PDK1: variants seen among roughly 807,000 people sequenced by gnomAD.
PDK1 encodes pyruvate dehydrogenase kinase 1.
PDK1 carries 39 observed loss-of-function variants against 54.2 expected under a neutral mutation model. That is an observed-to-expected ratio of 0.72 (90% CI 0.56 to 0.94). The LOEUF is 0.94. Among genes scored for constraint, PDK1 ranks in the 40% least tolerant of loss-of-function variants. The pLI is 0.00. For synonymous variants in PDK1, 221 were observed against 207.1 expected (o/e 1.07, Z -0.58); for missense variants, 552 against 566.0 (o/e 0.98, Z 0.25).
chr2:172,651,341 TTATAGCACTAAATGCCC>T, the PDK1 span, among the ~76,000 whole-genome samples: 1 of 152,264 alleles, frequency 6.6e-6, no homozygotes, highest in Non-Finnish European at 1.5e-5. Flanking sequence ...AGAGGAAAAT[TTATAGCACTAAATGCCC>T]ACAAGGGAAA....
the PDK1 span, among the ~76,000 whole-genome samples, chr2:172,636,346 A>G: frequency 1.3e-5 from 2 of 152,118 alleles, no homozygotes; most frequent in South Asian, 2.1e-4. Flanking sequence ...CCCACATTAC[A>G]TGGTGAGAGA....
chr2:172,633,189 T>C, the PDK1 span, among the ~76,000 whole-genome samples: 2 of 142,420 alleles, frequency 1.4e-5, no homozygotes, highest in Admixed American at 7.3e-5. Context: ...ACTATAGGCA[T>C]GCACCACCAT....
intron 3 of PDK1, chr2:172,564,265 T>C (rs1013979735): frequency 3.7e-6 from 2 of 541,610 alleles, no homozygotes; most frequent in African/African-American, 1.9e-5. Flanking sequence ...GCCTTACTCT[T>C]AGGAAGCCAA....
Position 172,598,031 on chromosome 2 carries a change from A to T in PDK1, c.*2062A>T, listed in dbSNP as rs780623988. 2.0e-5 allele frequency: 3 copies of T among 152,188 alleles called. No homozygotes were observed. Among genetic ancestry groups the T allele is most frequent in the Non-Finnish European group, 4.4e-5 (3 of 68,018 alleles). The allele number at this position is 152,188 out of a possible 1,614,324, so 9.4% of individuals were successfully genotyped here. ...CTAATCTGACCAAATGTTGGGAAAA[A>T]TGTCTCACCTAACCCACTATTCCTT... On this transcript the variant is annotated 3_prime_UTR_variant, in exon 11 of 11. Coordinates refer to ENST00000282077, the MANE Select transcript of PDK1 (RefSeq NM_002610.5).
chr2:172,695,099 CAG>C, the PDK1 span, among the ~76,000 whole-genome samples: 1 of 152,162 alleles, frequency 6.6e-6, no homozygotes. Context: ...GTCTGGGTGA[CAG>C]AGTGAGACCC....
At chr2:172,632,560 A>G in the PDK1 span, among the ~76,000 whole-genome samples, 3 of 152,138 alleles carry the variant, frequency 2.0e-5, no homozygotes, top group African/African-American at 7.2e-5. Context: ...GTTTTGCTTT[A>G]CATTTGAACA....
upstream of PDK1, chr2:172,555,883 G>A (rs1389001207): frequency 3.4e-5 from 11 of 321,834 alleles, no homozygotes; most frequent in Non-Finnish European, 6.2e-5. Flanking sequence ...CCTGGCGCGC[G>A]CTCCGCATCT....
the PDK1 span, among the ~76,000 whole-genome samples, chr2:172,689,622 A>G: frequency 6.6e-6 from 1 of 152,204 alleles, no homozygotes; most frequent in Admixed American, 6.5e-5. Context: ...ACAGTAACCA[A>G]AACAGCATGG....
chr2:172,651,554 A>G, the PDK1 span, among the ~76,000 whole-genome samples: 1 of 152,224 alleles, frequency 6.6e-6, no homozygotes, highest in Non-Finnish European at 1.5e-5. Flanking sequence ...GAAAAGATCA[A>G]CAAAATTGAT....
chr2:172,671,312 A>G, the PDK1 span, among the ~76,000 whole-genome samples: 4 of 151,432 alleles, frequency 2.6e-5, no homozygotes, highest in South Asian at 2.1e-4. Context: ...TATCACTACT[A>G]TAAATAATTA....
the PDK1 span, among the ~76,000 whole-genome samples, chr2:172,673,040 T>G: frequency 5.9e-4 from 89 of 151,138 alleles, no homozygotes; most frequent in South Asian, 2.4e-3. Flanking sequence ...AGAGTGGGAG[T>G]GAAATTTATT....
At chr2:172,642,011 C>T in the PDK1 span, among the ~76,000 whole-genome samples, 4 of 152,056 alleles carry the variant, frequency 2.6e-5, no homozygotes, top group South Asian at 2.1e-4. Context: ...CCAACAATAA[C>T]GTCATAATTA....
the PDK1 span, among the ~76,000 whole-genome samples, chr2:172,668,943 A>G: frequency 6.7e-6 from 1 of 148,734 alleles, no homozygotes; most frequent in African/African-American, 2.5e-5. Context: ...AGAGAGAAAG[A>G]GAGAGAGACG....
the PDK1 span, among the ~76,000 whole-genome samples, chr2:172,655,881 TCA>T: frequency 6.6e-6 from 1 of 152,108 alleles, no homozygotes; most frequent in Non-Finnish European, 1.5e-5. Flanking sequence ...GAGAAGCGGG[TCA>T]CACATGTACT....
At position 172,606,439 on chromosome 2, in the gene PDK1, T is replaced by G. The variant is rs1691297206; in HGVS notation, c.*10470T>G. On this transcript the variant is annotated 3_prime_UTR_variant, in exon 11 of 11. Coordinates refer to ENST00000282077, the MANE Select transcript of PDK1 (RefSeq NM_002610.5). ...TTAGTGAACCTCCATGTTATGAACCTTACTTCCTCAAGTCTCTTTTGCTGC... is the reference window on the plus strand; with the variant it reads ...TTAGTGAACCTCCATGTTATGAACCGTACTTCCTCAAGTCTCTTTTGCTGC... The G allele has an allele frequency of 6.6e-6, 1 of 152,220 alleles. No individual in the cohort carries two copies. Among genetic ancestry groups the G allele is most frequent in the Admixed American group, 6.5e-5 (1 of 15,282 alleles). The allele number at this position is 152,220 out of a possible 1,614,324, so 9.4% of individuals were successfully genotyped here. A position where few individuals can be genotyped will look rare whatever the true frequency, so the allele number is the denominator to read the frequency against.
chr2:172,670,533 G>A, the PDK1 span, among the ~76,000 whole-genome samples: 3 of 151,990 alleles, frequency 2.0e-5, no homozygotes, highest in Non-Finnish European at 2.9e-5. Flanking sequence ...ATTGCCTGAA[G>A]GTTTATAAAT....
At chr2:172,627,979 C>T in the PDK1 span, among the ~76,000 whole-genome samples, 188 of 152,298 alleles carry the variant, frequency 1.2e-3, 1 homozygote, top group African/African-American at 4.3e-3. Context: ...ATGAGCTGGA[C>T]CTAACATTCT....
rs1690980032 is a variant in PDK1, at chr2:172,598,062, T to C, written c.*2093T>C. 1.3e-5 allele frequency: 2 copies of C among 152,240 alleles called. No individual in the cohort carries two copies. The highest frequency in any genetic ancestry group is 2.1e-4 in the South Asian group (1 of 4,836). 9.4% of individuals were successfully genotyped at this position (152,240 alleles called of 1,614,324 possible). On this transcript the variant is annotated 3_prime_UTR_variant, in exon 11 of 11. Coordinates refer to ENST00000282077, the MANE Select transcript of PDK1 (RefSeq NM_002610.5). Reference sequence around the variant, plus strand: ...CACCTAACCCACTATTCCTTAATTATGGATTTTGTGAAAAACAATAGAACA... The same window carrying C: ...CACCTAACCCACTATTCCTTAATTACGGATTTTGTGAAAAACAATAGAACA...
the PDK1 span, among the ~76,000 whole-genome samples, chr2:172,680,630 G>T: frequency 2.0e-5 from 3 of 152,262 alleles, no homozygotes; most frequent in Non-Finnish European, 2.9e-5. Flanking sequence ...GCCTCCCAAA[G>T]TGCTGGGATT....
Sources: allele counts gnomAD v4.1 joint callset (sites outside exome capture counted in the v4.1 genomes callset), GRCh38; gene constraint gnomAD v4.1.1; transcripts MANE v1.5; gene names NCBI Gene and HGNC (gene_info 2026-07-23, HGNC 2026-07-21).